IFFO1: variants seen among roughly 807,000 people sequenced by gnomAD.
The protein encoded by IFFO1 is intermediate filament family orphan 1.
IFFO1 carries 42 observed loss-of-function variants against 59.6 expected under a neutral mutation model. The observed-to-expected ratio is 0.70, with a 90% CI of 0.55 to 0.91. The LOEUF (loss-of-function observed/expected upper bound fraction) is 0.91. Ranked by LOEUF, IFFO1 falls within the 40% of genes least tolerant of loss-of-function variation. The pLI, the probability that IFFO1 is intolerant of heterozygous loss-of-function variation, is 0.00. For missense variants in IFFO1, 711 were observed against 793.2 expected (o/e 0.90, Z 1.24); for synonymous variants, 336 against 342.8 (o/e 0.98, Z 0.22).
rs1160088754 is a variant in IFFO1 at position 6,549,158 on chromosome 12, T to TA, written c.1081-310dup. 1 of 490,606 alleles carries TA rather than the reference T, an allele frequency of 2.0e-6. No homozygotes were observed. The allele number at this position is 490,606 out of a possible 1,614,324, so 30.4% of individuals were successfully genotyped here. ...GATGGCTCAAGAGGAAATTTTTTTC[T>TA]AAAAAAAGTCTTTTTGATTAAATGA... On this transcript the variant is annotated intron_variant, in intron 5 of 9. Transcript: ENST00000619571. The surrounding 1 kb of genome is among the most constrained non-coding windows in gnomAD (Gnocchi z 5.0).
At chr12:6,542,122 G>A (rs1946746603) in intron 8 of IFFO1, among the ~76,000 whole-genome samples, 10 of 152,170 alleles carry the variant, frequency 6.6e-5, no homozygotes, top group Admixed American at 6.5e-4. Flanking sequence ...CTCTCTCTGT[G>A]ACCCGTGGCA....
chr12:6,546,736 G>A (rs942167554), intron 8 of IFFO1, among the ~76,000 whole-genome samples: 49 of 152,002 alleles, frequency 3.2e-4, no homozygotes, highest in Non-Finnish European at 6.2e-4. Context: ...TGATCTTCCC[G>A]CCTCGGCCTC....
In IFFO1 at chr12:6,549,833, G is replaced by A. The variant is rs566449467; in HGVS notation, c.994C>T (p.Arg332Cys). ...KAMKVDMDIC[R>C]RIDITAKLCD... ...AGCTTGGCGGTGATGTCGATGCGGC[G>A]GCAGATGTCCATATCCACCTTCATG... is the stretch of plus-strand genomic sequence containing the variant. Residue 332 changes from arginine to cysteine, a missense_variant, in exon 4 of 10, where the codon CGC (arginine) becomes TGC (cysteine). Around this residue, in one of 3 missense-constraint regions of IFFO1, gnomAD observed 579 missense variants for 650.3 expected, o/e 0.89. Coordinates refer to ENST00000619571, the MANE Select transcript of IFFO1 (RefSeq NM_001193457.2). The surrounding 1 kb of genome is among the most constrained non-coding windows in gnomAD (Gnocchi z 5.0). 5.6e-6 allele frequency: 9 copies of A among 1,614,162 alleles called. No individual in the cohort carries two copies. Among genetic ancestry groups the A allele is most frequent in the African/African-American group, 2.7e-5 (2 of 75,066 alleles).
chr12:6,552,484 A>G (rs1240866354), intron 1 of IFFO1, among the ~76,000 whole-genome samples: 2 of 152,190 alleles, frequency 1.3e-5, no homozygotes, highest in Non-Finnish European at 2.9e-5. Context: ...AACCAGTCGC[A>G]TCAGATTATG....
At position 6,555,928 on chromosome 12, in the gene IFFO1, C is replaced by G. The variant is rs1565580687; in HGVS notation, c.102G>C (p.Gly34=). Residue 34 remains glycine, a synonymous_variant, in exon 1 of 10, where the codon GGG becomes GGC. Coordinates refer to ENST00000619571, the MANE Select transcript of IFFO1 (RefSeq NM_001193457.2). The surrounding 1 kb of genome is among the most constrained non-coding windows in gnomAD (Gnocchi z 8.6). The part of the protein sequence containing the change: ...GDSLGGDHFA[G]GGDLPPAPLS... ...GAGGCGCCGGGGGCAAGTCTCCTCC[C>G]CCGGCGAAGTGGTCGCCTCCCAGTG... The G allele has an allele frequency of 6.4e-7, 1 of 1,551,726 alleles. No homozygotes were observed. Among genetic ancestry groups the G allele is most frequent in the South Asian group, 1.2e-5 (1 of 86,198 alleles).
chr12:6,541,527 G>T lies in IFFO1; in HGVS notation c.1595C>A (p.Thr532Asn). The T allele has an allele frequency of 1.2e-6, 2 of 1,613,994 alleles. No individual in the cohort carries two copies. Among genetic ancestry groups the T allele is most frequent in the African/African-American group, 2.7e-5 (2 of 75,064 alleles). ...AGGCGCCTACCGGTCTCCAGACTGG[G>T]TGATGAGCCGGCGGCAGGTCTCCAT... is the stretch of plus-strand genomic sequence containing the variant. ...VQMETCRRLI[T>N]QSGDRKSPAF... The change falls in exon 9 of 10, where the codon ACC becomes AAC. Residue 532 changes from threonine (T) to asparagine (N), a missense_variant. By Grantham distance (65) the Thr-to-Asn change is moderately conservative (BLOSUM62 0). Around this residue, in one of 3 missense-constraint regions of IFFO1, gnomAD observed 579 missense variants for 650.3 expected, o/e 0.89. Transcript: ENST00000619571. This position sits in a 1 kb window ranked among gnomAD's most constrained non-coding sequence, Gnocchi z 4.8.
Position 6,541,633 on chromosome 12 carries a change from C to A in IFFO1, c.1489G>T (p.Ala497Ser), listed in dbSNP as rs143403556. The A allele has an allele frequency of 3.7e-6, 6 of 1,613,966 alleles. No individual in the cohort carries two copies. In the African/African-American group the frequency reaches 4.0e-5, roughly 11 times the overall value. ...ETIDQIELEL[A>S]TAKNDMNRHL... ...CGGTTCATGTCGTTCTTGGCCGTGG[C>A]CAACTCCAGCTGTGGTGGGGCAGGC... The change falls in exon 9 of 10, where the codon GCC becomes TCC. Residue 497 changes from alanine (A) to serine (S), a missense_variant. By Grantham distance (99) the Ala-to-Ser change is moderately conservative. This residue lies in a region of IFFO1 where 579 missense variants were observed against 650.3 expected (regional missense o/e 0.89). Transcript: ENST00000619571. The surrounding 1 kb of genome is among the most constrained non-coding windows in gnomAD (Gnocchi z 4.8).
chr12:6,549,936 T>C lies in IFFO1; in HGVS notation c.931-40A>G, dbSNP rs772658446. 1.9e-6 allele frequency: 3 copies of C among 1,595,454 alleles called. No homozygotes were observed. Among genetic ancestry groups the C allele is most frequent in the Non-Finnish European group, 2.6e-6 (3 of 1,168,522 alleles). The stretch of plus-strand genomic sequence containing the variant: ...CAGGGAACAGTGAGGAGGCGCCCAG[T>C]TCTCCAGACAAGGACGAATTAGGCC... On this transcript the variant is annotated intron_variant, in intron 3 of 9. Transcript: ENST00000619571. This position sits in a 1 kb window ranked among gnomAD's most constrained non-coding sequence, Gnocchi z 5.0.
At chr12:6,545,480 G>A (rs1393219882) in intron 8 of IFFO1, among the ~76,000 whole-genome samples, 3 of 152,236 alleles carry the variant, frequency 2.0e-5, no homozygotes, top group African/African-American at 4.8e-5. Context: ...CGGATCATGA[G>A]GTCAGGAGAT....
Position 6,541,220 on chromosome 12 carries a change from C to T in IFFO1, c.1610+292G>A, listed in dbSNP as rs986777609. Among the ~76,000 whole-genome samples, 1 of 152,120 alleles carries T rather than the reference C, an allele frequency of 6.6e-6. No individual in the cohort carries two copies. The highest frequency in any genetic ancestry group is 1.5e-5 in the Non-Finnish European group (1 of 68,018). On this transcript the variant is annotated intron_variant, in intron 9 of 9. Coordinates refer to ENST00000619571, the MANE Select transcript of IFFO1 (RefSeq NM_001193457.2). The surrounding 1 kb of genome is among the most constrained non-coding windows in gnomAD (Gnocchi z 4.8). Reference sequence around the variant, plus strand: ...GGCCCTGACTTTAGATAAAAATCTGCCCCCACAACCCTTCTGTTCCTTGCC... The same window carrying T: ...GGCCCTGACTTTAGATAAAAATCTGTCCCCACAACCCTTCTGTTCCTTGCC...
At chr12:6,547,619 G>C (rs868371700) in intron 8 of IFFO1, among the ~76,000 whole-genome samples, 6 of 152,050 alleles carry the variant, frequency 3.9e-5, no homozygotes, top group Admixed American at 2.0e-4. Context: ...TACTCAGAAG[G>C]CTGGGGTGGG....
At chr12:6,550,656 C>A (rs1411284837) in intron 3 of IFFO1, 39 bp downstream of exon 3, 1 of 1,530,996 alleles carries the variant, frequency 6.5e-7, no homozygotes, top group East Asian at 2.3e-5. Flanking sequence ...GCCTCAGAAG[C>A]CTCACTTCGA....
rs1324401376 is a variant in IFFO1, at chr12:6,539,552, CATT to C, written c.*928_*930del. ...GTGCACAATAAATACTCGCCAGTTT[CATT>C]ATTATTAAAGAATCCATTTGAATGT... is the stretch of plus-strand genomic sequence containing the variant. On this transcript the variant is annotated 3_prime_UTR_variant, in exon 10 of 10. Transcript: ENST00000619571. The C allele has an allele frequency of 5.9e-5, 9 of 152,160 alleles. No individual in the cohort carries two copies. The highest frequency in any genetic ancestry group is 5.2e-4 in the Admixed American group (8 of 15,276). The allele number at this position is 152,160 out of a possible 1,614,324, so 9.4% of individuals were successfully genotyped here. A position where few individuals can be genotyped will look rare whatever the true frequency, so the allele number is the denominator to read the frequency against.
At chr12:6,550,905 G>C in intron 2 of IFFO1, 36 bp downstream of exon 2, 1 of 1,612,308 alleles carries the variant, frequency 6.2e-7, no homozygotes, top group Non-Finnish European at 8.5e-7. Context: ...GGGGTACCCA[G>C]GGAAGCACCA....
At position 6,555,918 on chromosome 12, in the gene IFFO1, AGTCTCCTCCCCCGGCGAAGTG is replaced by A. The variant is rs768467608; in HGVS notation, c.91_111del (p.His31_Asp37del). 3.9e-6 allele frequency: 6 copies of A among 1,552,362 alleles called. No homozygotes were observed. The African/African-American group carries it at 6.8e-5, about 18-fold the overall frequency. ...GCCGGCGAGAGAGGCGCCGGGGGCA[AGTCTCCTCCCCCGGCGAAGTG>A]GTCGCCTCCCAGTGAGTCCCCCAGT... On this transcript the variant is annotated inframe_deletion, in exon 1 of 10. Coordinates refer to ENST00000619571, the MANE Select transcript of IFFO1 (RefSeq NM_001193457.2). The surrounding 1 kb of genome is among the most constrained non-coding windows in gnomAD (Gnocchi z 8.6).
chr12:6,545,934 C>T (rs1012379533), intron 8 of IFFO1, among the ~76,000 whole-genome samples: 1 of 152,068 alleles, frequency 6.6e-6, no homozygotes, highest in Non-Finnish European at 1.5e-5. Context: ...GAAAGAGAAG[C>T]CAAAATATGC....
chr12:6,544,642 A>G (rs1399902810), intron 8 of IFFO1: 3 of 152,228 alleles, frequency 2.0e-5, no homozygotes, highest in Non-Finnish European at 4.4e-5. Context: ...GCACAGTGAA[A>G]ACACAAACCT....
At position 6,548,503 on chromosome 12, in the gene IFFO1, C is replaced by T; in HGVS notation, c.1305G>A (p.Trp435Ter). 1 of 1,614,030 alleles carries T rather than the reference C, an allele frequency of 6.2e-7. No homozygotes were observed. Among genetic ancestry groups the T allele is most frequent in the Non-Finnish European group, 8.5e-7 (1 of 1,179,922 alleles). The change falls in exon 7 of 10, where the codon TGG becomes TGA. Residue 435 changes from tryptophan (W) to a stop codon, truncating the protein, a stop_gained. Transcript: ENST00000619571. LOFTEE classifies it high-confidence loss of function. This position sits in a 1 kb window ranked among gnomAD's most constrained non-coding sequence, Gnocchi z 6.1. ...GCAGCAGGGTCTCCTCAGTCTCCTC[C>T]CAAGTCAGGCTGTCACAGTCGTCCT... Reference protein sequence around the residue: ...DFEDDCDSLTWEETEETLLLW... With the variant: ...DFEDDCDSLT
rs550986292 is a variant in IFFO1, at chr12:6,540,125, C to G, written c.*358G>C. 2.8e-6 allele frequency: 1 copy of G among 355,820 alleles called. No homozygotes were observed. Among genetic ancestry groups the G allele is most frequent in the South Asian group, 2.7e-5 (1 of 36,714 alleles). The allele number at this position is 355,820 out of a possible 1,614,324, so 22.0% of individuals were successfully genotyped here. On this transcript the variant is annotated 3_prime_UTR_variant, in exon 10 of 10. Coordinates refer to ENST00000619571, the MANE Select transcript of IFFO1 (RefSeq NM_001193457.2). The stretch of plus-strand genomic sequence containing the variant: ...AAGACAGTGAGCTGGCTCCGGACAA[C>G]AGGGATGGAGGAAAGGTCCCACATT...
Sources: allele counts gnomAD v4.1 joint callset (sites outside exome capture counted in the v4.1 genomes callset), GRCh38; gene constraint gnomAD v4.1.1; regional missense constraint gnomAD v4.1.1; non-coding constraint Gnocchi (gnomAD v3.1); transcripts MANE v1.5; gene names NCBI Gene and HGNC (gene_info 2026-07-23, HGNC 2026-07-21).